Variants in ARFGEF1 observed in about 807,000 individuals in gnomAD.
The protein encoded by ARFGEF1 is brefeldin A-inhibited guanine nucleotide-exchange protein 1.
In ARFGEF1, 42 loss-of-function variants were observed where a neutral mutation model predicts 231.0. The ratio of observed to expected loss-of-function variants is 0.18; its 90% CI spans 0.14 to 0.24. The LOEUF (loss-of-function observed/expected upper bound fraction) is 0.24, where lower values mean the gene tolerates loss of function less well. Among genes scored for constraint, ARFGEF1 ranks in the 10% least tolerant of loss-of-function variants. The probability of loss-of-function intolerance (pLI) is 1.00; values close to 1 mark genes in which losing one functional copy is unlikely to be tolerated. For synonymous variants in ARFGEF1, 710 were observed against 732.3 expected (o/e 0.97, Z 0.49); for missense variants, 1,345 against 2,192.0 (o/e 0.61, Z 7.72).
intron 5 of ARFGEF1, among the ~76,000 whole-genome samples, chr8:67,184,998 G>A (rs533074749): frequency 9.8e-4 from 146 of 148,448 alleles, no homozygotes; most frequent in African/African-American, 3.3e-3. Flanking sequence ...CCAGCTGCTC[G>A]GGAGGCTGAG....
rs192394900 is a variant in ARFGEF1, at chr8:67,258,160, C to T, written c.2366G>A (p.Arg789His). The T allele has an allele frequency of 6.4e-5, 103 of 1,613,918 alleles. No individual in the cohort carries two copies. The highest frequency in any genetic ancestry group is 9.3e-5 in the African/African-American group (7 of 75,014). Residue 789 changes from arginine (R) to histidine (H), a missense_variant, in exon 16 of 39, where the codon CGT (arginine) becomes CAT (histidine). Physicochemically the swap from Arg to His is conservative, Grantham distance 29. Around this residue, in one of 14 missense-constraint regions of ARFGEF1, gnomAD observed 58 missense variants for 133.6 expected, o/e 0.43. Transcript: ENST00000262215. ...GATTTTCTGAGCTTCCCCTGGAAGA[C>T]GAAATCCTTCTAGAAACATACGAAG... ...SALRMFLEGF[R>H]LPGEAQKIDR...
chr8:67,235,753 T>A (rs1485123824), intron 22 of ARFGEF1, among the ~76,000 whole-genome samples: 1 of 152,252 alleles, frequency 6.6e-6, no homozygotes, highest in East Asian at 1.9e-4. Flanking sequence ...CAGTGACCTA[T>A]GACCATGCCA....
intron 5 of ARFGEF1, chr8:67,190,801 TGA>T: frequency 7.1e-7 from 1 of 1,417,520 alleles, no homozygotes; most frequent in Non-Finnish European, 1.0e-6. Flanking sequence ...CTTAGAAGAA[TGA>T]GAGGTCTGGG....
At chr8:67,217,421 GA>G (rs1163473178) in intron 32 of ARFGEF1, among the ~76,000 whole-genome samples, 1 of 150,896 alleles carries the variant, frequency 6.6e-6, no homozygotes, top group Admixed American at 6.6e-5. Flanking sequence ...ATTTTCCTTA[GA>G]TTATTAAAAG....
intron 20 of ARFGEF1, 86 bp from the exon 21 acceptor site, chr8:67,238,979 C>G (rs1839848766): frequency 1.0e-6 from 1 of 987,142 alleles, no homozygotes; most frequent in Admixed American, 2.9e-5. Context: ...TTTACTTGTT[C>G]AGTAAGATTT....
At chr8:67,280,931 G>T (rs1170105750) in intron 7 of ARFGEF1, among the ~76,000 whole-genome samples, 2 of 152,064 alleles carry the variant, frequency 1.3e-5, no homozygotes, top group East Asian at 3.8e-4. Flanking sequence ...GAGCAAATGG[G>T]GAATTAGATT....
At chr8:67,182,273 G>A (rs1833243019) in intron 5 of ARFGEF1, among the ~76,000 whole-genome samples, 1 of 152,012 alleles carries the variant, frequency 6.6e-6, no homozygotes, top group Admixed American at 6.6e-5. Context: ...GTGCCAAAGT[G>A]CTGAGATTAC....
intron 22 of ARFGEF1, among the ~76,000 whole-genome samples, chr8:67,234,332 C>T (rs1839646501): frequency 6.6e-6 from 1 of 152,082 alleles, no homozygotes; most frequent in Admixed American, 6.6e-5. Context: ...AATGAACTAA[C>T]TACATAGAAT....
chr8:67,302,572 A>C (rs1399178234), intron 1 of ARFGEF1, 106 bp from the exon 2 acceptor site: 3 of 716,850 alleles, frequency 4.2e-6, no homozygotes, highest in Non-Finnish European at 6.5e-6. Flanking sequence ...AAAAAGTTGG[A>C]AAGAATGCAA....
At chr8:67,222,186 T>TACAC (rs1563846294) in intron 29 of ARFGEF1, among the ~76,000 whole-genome samples, 1 of 127,998 alleles carries the variant, frequency 7.8e-6, no homozygotes, top group African/African-American at 3.1e-5. Flanking sequence ...TATACACATA[T>TACAC]ATATATATAT....
chr8:67,192,263 T>TG (rs1221822656), intron 5 of ARFGEF1, among the ~76,000 whole-genome samples: 1 of 152,004 alleles, frequency 6.6e-6, no homozygotes, highest in African/African-American at 2.4e-5. Flanking sequence ...TTAGTAGAGT[T>TG]GGGGTTTCGC....
chr8:67,175,095 G>T (rs2129568440), downstream of ARFGEF1: 3 of 540,406 alleles, frequency 5.6e-6, no homozygotes, highest in South Asian at 6.5e-5. Flanking sequence ...TTTGTGAAAA[G>T]ACACTTATTA....
chr8:67,200,109 C>T, intron 38 of ARFGEF1: 1 of 406,498 alleles, frequency 2.5e-6, no homozygotes, highest in Non-Finnish European at 4.8e-6. Flanking sequence ...GGGGAGATTC[C>T]TGGGGTCATA....
At chr8:67,276,344 ATAAACTCT>A (rs945082389) in intron 8 of ARFGEF1, among the ~76,000 whole-genome samples, 2 of 152,242 alleles carry the variant, frequency 1.3e-5, no homozygotes, top group African/African-American at 4.8e-5. Context: ...AATAAACCAA[ATAAACTCT>A]TAAAATTTAC....
At chr8:67,302,174 G>A (rs956180469) in intron 2 of ARFGEF1, among the ~76,000 whole-genome samples, 1 of 151,726 alleles carries the variant, frequency 6.6e-6, no homozygotes, top group African/African-American at 2.4e-5. Context: ...ACTCCAGCCT[G>A]GACAACAGAG....
intron 23 of ARFGEF1, among the ~76,000 whole-genome samples, chr8:67,232,305 G>C (rs544788881): frequency 1.3e-5 from 2 of 152,076 alleles, no homozygotes; most frequent in South Asian, 4.1e-4. Flanking sequence ...TGTTCTATGT[G>C]CTGGACATTT....
rs1490936491 is a variant in ARFGEF1 at position 67,251,935 on chromosome 8, C to T, written c.2699-485G>A. 1.3e-5 allele frequency among the ~76,000 whole-genome samples: 2 copies of T among 152,020 alleles called. 1 individual carries two copies. The highest frequency in any genetic ancestry group is 4.8e-5 in the African/African-American group (2 of 41,386). On this transcript the variant is annotated intron_variant, in intron 18 of 38. Transcript: ENST00000262215. Reference sequence around the variant, plus strand: ...CAGAATACAATTATCAGGGAAACAACCCAAATATGGAATGGGAGAAGAGCA... The same window carrying T: ...CAGAATACAATTATCAGGGAAACAATCCAAATATGGAATGGGAGAAGAGCA...
chr8:67,222,270 T>TG (rs199589050), intron 29 of ARFGEF1, among the ~76,000 whole-genome samples: 1 of 80,466 alleles, frequency 1.2e-5, no homozygotes, highest in Non-Finnish European at 2.8e-5. Flanking sequence ...TATGTATGTA[T>TG]TTTTTTTTTT....
chr8:67,332,271 AT>A (rs1808135325), intron 1 of ARFGEF1, among the ~76,000 whole-genome samples: 1 of 152,198 alleles, frequency 6.6e-6, no homozygotes, highest in Non-Finnish European at 1.5e-5. Flanking sequence ...TTTTAATAAG[AT>A]TTTGTTCTTG....
Sources: gnomAD v4.1 joint callset for allele counts (sites outside exome capture counted in the v4.1 genomes callset) on GRCh38, gnomAD v4.1.1 for gene constraint, gnomAD v4.1.1 regional missense constraint, MANE v1.5 for transcripts, NCBI Gene and HGNC (gene_info 2026-07-23, HGNC 2026-07-21) for gene names.